MDM1: variants seen among roughly 807,000 people sequenced by gnomAD.
The protein encoded by MDM1 is stabilizer of axonemal microtubules 6, also known as Mdm1 nuclear protein.
MDM1 carries 61 observed loss-of-function variants against 89.1 expected under a neutral mutation model. The observed-to-expected ratio is 0.68, with a 90% CI of 0.56 to 0.85. The LOEUF is 0.85. MDM1 is among the 40% of genes least tolerant of loss of function. The pLI is 0.00. For missense variants in MDM1, 820 were observed against 846.5 expected, an observed-to-expected ratio of 0.97 and a Z score of 0.39; for synonymous variants, 290 against 294.1, an observed-to-expected ratio of 0.99 and a Z score of 0.14.
chr12:68,295,487 G>A, intron 14 of MDM1, 121 bp from the exon 15 acceptor site: 1 of 607,928 alleles, frequency 1.6e-6, no homozygotes, highest in Admixed American at 3.4e-5. Flanking sequence ...AAGTTAGTCA[G>A]GAAAAAAAGT....
chr12:68,321,464 A>C lies in MDM1; in HGVS notation c.906-18T>G. On this transcript the variant is annotated intron_variant, in intron 6 of 14. Coordinates refer to ENST00000682720, the MANE Select transcript of MDM1 (RefSeq NM_001354969.2). ...TCACCTTCCTAATAGAAATGAAATG[A>C]AAGTAAATATTTCACCATGTTAATC... 1 of 1,611,390 alleles carries C rather than the reference A, an allele frequency of 6.2e-7. No homozygotes were observed. Among genetic ancestry groups the C allele is most frequent in the Non-Finnish European group, 8.5e-7 (1 of 1,178,042 alleles).
In MDM1 at chr12:68,323,091, T is replaced by C. The variant is rs1029064359; in HGVS notation, c.783A>G (p.Thr261=). The C allele has an allele frequency of 1.2e-6, 2 of 1,607,506 alleles. No individual in the cohort carries two copies. Among genetic ancestry groups the C allele is most frequent in the East Asian group, 4.5e-5 (2 of 44,480 alleles). ...NDLRENRNLE[T]VSPERKSNKI... is the part of the protein sequence containing the mutation. ...TGAATACCTTCCTTTCAGGAGACAC[T>C]GTTTCAAGATTTCTGTTTTCTCTCA... The change falls in exon 5 of 15, where the codon ACA becomes ACG. Residue 261 remains threonine, a synonymous_variant. Coordinates refer to ENST00000682720, the MANE Select transcript of MDM1 (RefSeq NM_001354969.2).
chr12:68,327,169 A>G (rs1350944479), intron 2 of MDM1, 148 bp from the exon 3 acceptor site: 1 of 1,393,490 alleles, frequency 7.2e-7, no homozygotes, highest in Non-Finnish European at 9.3e-7. Flanking sequence ...TTCAGATTAT[A>G]GGATTTTAAA....
intron 1 of MDM1, chr12:68,331,937 T>C (rs1876887223): frequency 3.0e-6 from 2 of 677,454 alleles, no homozygotes; most frequent in Admixed American, 4.1e-5. Flanking sequence ...TTAGTTCTCT[T>C]CGCAAAGGGA....
intron 3 of MDM1, chr12:68,326,421 G>C: frequency 2.1e-6 from 3 of 1,451,858 alleles, no homozygotes; most frequent in Non-Finnish European, 2.7e-6. Flanking sequence ...AGACGCAGGA[G>C]GTCCATCCAA....
intron 13 of MDM1, among the ~76,000 whole-genome samples, chr12:68,300,015 G>A (rs1592941034): frequency 6.6e-6 from 1 of 152,166 alleles, no homozygotes; most frequent in African/African-American, 2.4e-5. Flanking sequence ...AAGGCAGAAG[G>A]CATTGGGGTC....
chr12:68,329,291 TAA>T (rs1876452191), intron 2 of MDM1, among the ~76,000 whole-genome samples: 2 of 152,184 alleles, frequency 1.3e-5, no homozygotes. Context: ...AGAGGAACTC[TAA>T]AAGAGACACT....
Position 68,332,339 on chromosome 12 carries a change from T to C in MDM1, c.-94A>G, listed in dbSNP as rs569503221. ...GATAACAGTGTTCCCTAGCAAAGCC[T>C]CGGCCCGGCGTCCCCGACTACGCGC... On this transcript the variant is annotated 5_prime_UTR_variant, in exon 1 of 15. Transcript: ENST00000682720. 4 of 1,423,122 alleles carry C rather than the reference T, an allele frequency of 2.8e-6. No individual in the cohort carries two copies. The highest frequency in any genetic ancestry group is 1.8e-4 in the Middle Eastern group (1 of 5,554). The allele number at this position is 1,423,122 out of a possible 1,614,324, so 88.2% of individuals were successfully genotyped here.
intron 5 of MDM1, 95 bp from the exon 6 acceptor site, chr12:68,321,723 A>G: frequency 1.4e-6 from 1 of 710,700 alleles, no homozygotes; most frequent in Non-Finnish European, 2.2e-6. Context: ...ATATTTAATG[A>G]CATTTCTATT....
chr12:68,328,723 A>T (rs775806150), intron 2 of MDM1, among the ~76,000 whole-genome samples: 7 of 152,202 alleles, frequency 4.6e-5, no homozygotes, highest in Non-Finnish European at 7.3e-5. Context: ...AAATGAAAGA[A>T]GATTCTCAAG....
At chr12:68,319,593 G>A (rs1300534915) in intron 7 of MDM1, among the ~76,000 whole-genome samples, 1 of 152,010 alleles carries the variant, frequency 6.6e-6, no homozygotes. Flanking sequence ...GTAAAACATG[G>A]CTCATATTAA....
Position 68,324,694 on chromosome 12 carries a change from G to A in MDM1, c.633+747C>T, listed in dbSNP as rs569427813. On this transcript the variant is annotated intron_variant, in intron 4 of 14. Coordinates refer to ENST00000682720, the MANE Select transcript of MDM1 (RefSeq NM_001354969.2). ...GTGTATTTATAAAGAAAAACACGAA[G>A]ACCAGAAGAAAAAACAGACTAAGCC... Among the ~76,000 whole-genome samples the A allele has an allele frequency of 3.2e-4, 48 of 152,238 alleles. No homozygotes were observed. The South Asian group carries it at 9.3e-3, about 30-fold the overall frequency.
chr12:68,296,934 A>G lies in MDM1; in HGVS notation c.2051T>C (p.Phe684Ser), dbSNP rs1871476662. The G allele has an allele frequency of 1.3e-6, 2 of 1,591,118 alleles. No homozygotes were observed. The highest frequency in any genetic ancestry group is 2.3e-5 in the South Asian group (2 of 85,300). Residue 684 changes from phenylalanine to serine, a missense_variant, in exon 14 of 15, where the codon TTT becomes TCT. Transcript: ENST00000682720. Reference protein sequence around the residue: ...NNLQLPQHEAFNDEDEDRLSE... With the variant: ...NNLQLPQHEASNDEDEDRLSE... ...GACTACTGAAATACCTTCATCATTA[A>G]AGGCTTCATGTTGAGGTAACTGCAA...
chr12:68,310,886 T>C (rs954255131), intron 12 of MDM1, among the ~76,000 whole-genome samples: 2 of 152,224 alleles, frequency 1.3e-5, no homozygotes, highest in Non-Finnish European at 2.9e-5. Context: ...ACACCCATGA[T>C]GTTAAGTTAA....
rs560131886 is a variant in MDM1, at chr12:68,331,145, C to G, written c.95G>C (p.Arg32Pro). 1.9e-6 allele frequency: 3 copies of G among 1,610,996 alleles called. No individual in the cohort carries two copies. In the Admixed American group the frequency reaches 5.0e-5, roughly 27 times the overall value. The stretch of plus-strand genomic sequence containing the variant: ...TCTAAGTCCAGCCCATGGGTACTTT[C>G]GCCCCACGGAGGAATTACAAGACTC... Reference protein sequence around the residue: ...LSESCNSSVGRKYPWAGLRSD... With the variant: ...LSESCNSSVGPKYPWAGLRSD... The change falls in exon 2 of 15, where the codon CGA becomes CCA. Residue 32 changes from arginine (R) to proline (P), a missense_variant. Coordinates refer to ENST00000682720, the MANE Select transcript of MDM1 (RefSeq NM_001354969.2).
chr12:68,302,573 A>C (rs746686967), intron 13 of MDM1, 47 bp downstream of exon 13: 2 of 1,517,108 alleles, frequency 1.3e-6, no homozygotes, highest in Admixed American at 3.7e-5. Context: ...ACCTATCAGC[A>C]TAACACTTTA....
intron 10 of MDM1, among the ~76,000 whole-genome samples, chr12:68,314,364 G>A (rs1413716092): frequency 6.6e-6 from 1 of 152,062 alleles, no homozygotes; most frequent in Non-Finnish European, 1.5e-5. Flanking sequence ...CTGGATAATG[G>A]GGAAAATCAC....
In MDM1 at chr12:68,321,340, C is replaced by T. The variant is rs981911241; in HGVS notation, c.1005+7G>A. 6.8e-6 allele frequency: 11 copies of T among 1,609,104 alleles called. No individual in the cohort carries two copies. The highest frequency in any genetic ancestry group is 2.7e-5 in the African/African-American group (2 of 74,706). Reference sequence around the variant, plus strand: ...CATGTAGGCTTATTGAGGTCATGTACACTCACCTGATTTGGCATGTTTCCC... The same window carrying T: ...CATGTAGGCTTATTGAGGTCATGTATACTCACCTGATTTGGCATGTTTCCC... On this transcript the variant is annotated splice_region_variant and intron_variant, in intron 7 of 14. Transcript: ENST00000682720.
At chr12:68,330,950 C>T (rs941191702) in intron 2 of MDM1, 157 bp downstream of exon 2, 53 of 601,006 alleles carry the variant, frequency 8.8e-5, no homozygotes, top group Non-Finnish European at 1.4e-4. Context: ...TCAATAAATA[C>T]TTGATTAATA....
Sources: allele counts gnomAD v4.1 joint callset (sites outside exome capture counted in the v4.1 genomes callset), GRCh38; gene constraint gnomAD v4.1.1; transcripts MANE v1.5; gene names NCBI Gene and HGNC (gene_info 2026-07-23, HGNC 2026-07-21).